PSD3: variants seen among roughly 807,000 people sequenced by gnomAD.
The protein encoded by PSD3 is pleckstrin and Sec7 domain containing 3.
A neutral mutation model predicts 105.5 loss-of-function variants in PSD3; 49 were observed. The observed-to-expected ratio is 0.46, with a 90% CI of 0.37 to 0.59. The LOEUF is 0.59. PSD3 is among the 20% of genes least tolerant of loss of function. PSD3 has a pLI of 0.00. For missense variants in PSD3, 1,561 were observed against 1,263.8 expected (o/e 1.24, Z -3.57); for synonymous variants, 557 against 457.8 (o/e 1.22, Z -2.77).
chr8:18,584,588 C>T (rs371857075), intron 12 of PSD3, among the ~76,000 whole-genome samples: 1 of 152,208 alleles, frequency 6.6e-6, no homozygotes, highest in African/African-American at 2.4e-5. Flanking sequence ...ATTATACTAA[C>T]AAACCAGTCT....
At chr8:18,691,300 AG>A (rs774299905) in intron 9 of PSD3, among the ~76,000 whole-genome samples, 2 of 152,236 alleles carry the variant, frequency 1.3e-5, no homozygotes, top group Non-Finnish European at 2.9e-5. Context: ...TTTAGACCAG[AG>A]TGATGCATTA....
chr8:18,824,836 C>T (rs532511224), intron 4 of PSD3, among the ~76,000 whole-genome samples: 4 of 152,216 alleles, frequency 2.6e-5, no homozygotes, highest in African/African-American at 7.2e-5. Flanking sequence ...CTTCAGCCAG[C>T]GTGCCAGGGC....
intron 8 of PSD3, among the ~76,000 whole-genome samples, chr8:18,792,077 G>A (rs1456768339): frequency 5.3e-5 from 8 of 152,178 alleles, no homozygotes; most frequent in East Asian, 1.9e-4. Context: ...AGATGATGGC[G>A]AGGTTGTGAA....
intron 8 of PSD3, among the ~76,000 whole-genome samples, chr8:18,766,608 C>T (rs1015729086): frequency 6.6e-6 from 1 of 152,166 alleles, no homozygotes; most frequent in Non-Finnish European, 1.5e-5. Flanking sequence ...TACATACTAT[C>T]AAGACCTGTG....
chr8:18,638,290 A>C (rs1030159651), intron 10 of PSD3, among the ~76,000 whole-genome samples: 3 of 152,008 alleles, frequency 2.0e-5, no homozygotes, highest in South Asian at 2.1e-4. Context: ...CTTTTGTTCA[A>C]CACAGTTTTG....
At chr8:18,539,054 A>G (rs562227133) in intron 15 of PSD3, among the ~76,000 whole-genome samples, 1 of 152,368 alleles carries the variant, frequency 6.6e-6, no homozygotes, top group South Asian at 2.1e-4. Flanking sequence ...CCAGAAATGT[A>G]GCTTTGCATT....
At chr8:18,742,555 T>C (rs1454344035) in intron 9 of PSD3, among the ~76,000 whole-genome samples, 1 of 152,220 alleles carries the variant, frequency 6.6e-6, no homozygotes, top group Admixed American at 6.5e-5. Context: ...ACAGTGTATA[T>C]AATCATAGAT....
At chr8:18,732,576 C>G (rs1033511186) in intron 9 of PSD3, among the ~76,000 whole-genome samples, 1 of 152,196 alleles carries the variant, frequency 6.6e-6, no homozygotes, top group Non-Finnish European at 1.5e-5. Context: ...GCTGGAGCAC[C>G]TTGATGCTCC....
chr8:18,684,744 T>C (rs1486203256), intron 9 of PSD3, among the ~76,000 whole-genome samples: 2 of 152,156 alleles, frequency 1.3e-5, no homozygotes, highest in South Asian at 2.1e-4. Context: ...AGAAAATGAC[T>C]GGGGGGTTAG....
intron 9 of PSD3, among the ~76,000 whole-genome samples, chr8:18,693,345 C>G (rs1236286638): frequency 6.6e-6 from 1 of 152,180 alleles, no homozygotes; most frequent in Non-Finnish European, 1.5e-5. Flanking sequence ...AAGGCGGCAG[C>G]AAAGCGCAAT....
At chr8:18,613,292 C>T (rs1325419483) in intron 11 of PSD3, among the ~76,000 whole-genome samples, 3 of 152,082 alleles carry the variant, frequency 2.0e-5, no homozygotes, top group Non-Finnish European at 4.4e-5. Context: ...TAACGCCCAT[C>T]TGCACATTGG....
chr8:18,806,482 T>C (rs370905483), intron 4 of PSD3, among the ~76,000 whole-genome samples: 14 of 152,218 alleles, frequency 9.2e-5, no homozygotes, highest in African/African-American at 2.9e-4. Flanking sequence ...TCCAAATCTT[T>C]ATCTTAACTT....
chr8:18,730,175 G>A (rs1803635778), intron 9 of PSD3: 1 of 152,134 alleles, frequency 6.6e-6, no homozygotes, highest in Non-Finnish European at 1.5e-5. Context: ...ACTATGAAAT[G>A]TTTCCGTGGG....
intron 11 of PSD3, among the ~76,000 whole-genome samples, chr8:18,606,348 T>G (rs115723472): frequency 2.0e-3 from 298 of 152,306 alleles, no homozygotes; most frequent in African/African-American, 6.8e-3. Context: ...TCCTGAAGGC[T>G]TAGCATCCCC....
rs186253398 is a variant in PSD3, at chr8:18,808,825, C to T, written c.1635-3927G>A. 158 of 1,613,372 alleles carry T rather than the reference C, an allele frequency of 9.8e-5. 1 individual carries two copies. In the East Asian group the frequency reaches 3.0e-3, roughly 30 times the overall value. On this transcript the variant is annotated intron_variant, in intron 4 of 15. Transcript: ENST00000327040. ...GTGCGCCTGGACCATCCTTCCTCTC[C>T]GAAGCCCCGTCCAGTATTCTTCAGC...
intron 12 of PSD3, among the ~76,000 whole-genome samples, chr8:18,584,956 C>T (rs1803069860): frequency 1.3e-5 from 2 of 152,204 alleles, no homozygotes; most frequent in South Asian, 2.1e-4. Flanking sequence ...GGTAAAATTT[C>T]TCTAACTAGA....
chr8:18,957,763 CT>C (rs1823669428), intron 1 of PSD3, among the ~76,000 whole-genome samples: 1 of 152,180 alleles, frequency 6.6e-6, no homozygotes, highest in African/African-American at 2.4e-5. Context: ...CAGGAAGCCA[CT>C]GCTTGCCAAA....
At chr8:18,955,799 C>T (rs1045384666) in intron 1 of PSD3, among the ~76,000 whole-genome samples, 2 of 150,706 alleles carry the variant, frequency 1.3e-5, no homozygotes, top group Non-Finnish European at 2.9e-5. Flanking sequence ...GACGGAGTCT[C>T]ATTCTGTTGC....
In PSD3 at chr8:19,026,787, C is replaced by T. The variant is rs184718236; in HGVS notation, c.324+57419G>A. ...ACTTGGGAGGCTGAGTTGTGAGGAT[C>T]GCTTGAGTCCAGGAGTTTGAAGCTG... On this transcript the variant is annotated intron_variant, in intron 1 of 1. Transcript: ENST00000521475. 6.0e-5 allele frequency among the ~76,000 whole-genome samples: 9 copies of T among 151,210 alleles called. 1 individual carries two copies. The highest frequency in any genetic ancestry group is 3.4e-3 in the Middle Eastern group (1 of 292).
Sources: gnomAD v4.1 joint callset for allele counts (sites outside exome capture counted in the v4.1 genomes callset) on GRCh38, gnomAD v4.1.1 for gene constraint, MANE v1.5 for transcripts, NCBI Gene and HGNC (gene_info 2026-07-23, HGNC 2026-07-21) for gene names.